The following BCOR variants were observed in gnomAD, a reference collection of about 807,000 sequenced individuals.
BCOR encodes BCL6 corepressor.
A neutral mutation model predicts 86.7 loss-of-function variants in BCOR; 10 were observed. The ratio of observed to expected loss-of-function variants is 0.12; its 90% CI spans 0.07 to 0.20. The LOEUF is 0.20. BCOR is among the 10% of genes least tolerant of loss of function. BCOR has a pLI of 1.00. For missense variants in BCOR, 1,259 were observed against 1,452.1 expected (o/e 0.87, Z 2.16); for synonymous variants, 611 against 609.0 (o/e 1.00, Z -0.05).
chrX:40,110,662 T>TTTTTC (rs1937289134), intron 1 of BCOR, among the ~76,000 whole-genome samples: 3 of 61,637 alleles, frequency 4.9e-5, no homozygotes, highest in Non-Finnish European at 9.8e-5. Context: ...TCTTTTTTCC[T>TTTTTC]TTTTCTTTTT....
At chrX:40,098,641 T>C (rs1937005177), upstream of BCOR, among the ~76,000 whole-genome samples, 1 of 111,244 alleles carries the variant, frequency 9.0e-6, no homozygotes, top group Non-Finnish European at 1.9e-5. Flanking sequence ...AGCGCTGCGC[T>C]CTCCCGGCCT....
chrX:40,099,787 T>C (rs1458504741), upstream of BCOR, among the ~76,000 whole-genome samples: 2 of 112,165 alleles, frequency 1.8e-5, no homozygotes, highest in East Asian at 5.6e-4. Flanking sequence ...TCTCTACCGT[T>C]TGAAACCCGA....
chrX:40,100,841 G>A (rs12841108), upstream of BCOR, among the ~76,000 whole-genome samples: 5,215 of 110,681 alleles, frequency 0.047, 117 homozygotes, highest in Non-Finnish European at 0.07. Context: ...AAACAGGCCA[G>A]TAAATTCGCC....
At chrX:40,078,566 G>A (rs1935925724) in intron 1 of BCOR, among the ~76,000 whole-genome samples, 2 of 112,072 alleles carry the variant, frequency 1.8e-5, no homozygotes, top group Non-Finnish European at 3.8e-5. Flanking sequence ...GGGCTGGTGA[G>A]CCGCCCCACC....
intron 1 of BCOR, among the ~76,000 whole-genome samples, chrX:40,122,673 C>T (rs972896904): frequency 8.9e-6 from 1 of 112,037 alleles, no homozygotes; most frequent in East Asian, 2.8e-4. Context: ...CCATGGAAGC[C>T]GCCACTCGGG....
At chrX:40,142,742 A>AT (rs1275501183) in intron 1 of BCOR, among the ~76,000 whole-genome samples, 1 of 111,135 alleles carries the variant, frequency 9.0e-6, no homozygotes, top group Non-Finnish European at 1.9e-5. Flanking sequence ...TGGGCTATGG[A>AT]TTTTTTTCCC....
chrX:40,171,446 A>T (rs780610045), intron 1 of BCOR, among the ~76,000 whole-genome samples: 18 of 106,802 alleles, frequency 1.7e-4, no homozygotes, highest in Non-Finnish European at 3.3e-4. Flanking sequence ...GCGCGGCTGG[A>T]TTAGTCCCGG....
At chrX:40,096,489 C>T in intron 1 of BCOR, among the ~76,000 whole-genome samples, 1 of 110,006 alleles carries the variant, frequency 9.1e-6, no homozygotes, top group Non-Finnish European at 1.9e-5. Context: ...AGTCGGAACC[C>T]CTTGCTCTGC....
rs775251964 is a variant in BCOR, at chrX:40,072,448, G to A, written c.2898C>T (p.Ile966=). ...KPKPSKLAKR[I]ANSAGYVGDR... is the part of the protein sequence containing the mutation. Reference sequence around the variant, plus strand: ...CACCCACGTAACCCGCTGAGTTGGCGATTCTCTTTGCCAGCTTAGATGGCT... The same window carrying A: ...CACCCACGTAACCCGCTGAGTTGGCAATTCTCTTTGCCAGCTTAGATGGCT... Residue 966 remains isoleucine (I), a synonymous_variant, in exon 4 of 15, where the codon ATC becomes ATT. Transcript: ENST00000378444. 3.1e-5 allele frequency: 38 copies of A among 1,209,717 alleles called. No individual in the cohort carries two copies. In the Admixed American group the frequency reaches 7.4e-4, roughly 24 times the overall value.
At chrX:40,076,928 A>ATG (rs1216911272) in intron 2 of BCOR, 1 of 326,490 alleles carries the variant, frequency 3.1e-6, no homozygotes, top group Non-Finnish European at 5.9e-6. Flanking sequence ...AACACAGCCA[A>ATG]ATACCAAAGG....
In BCOR at chrX:40,073,497, C is replaced by T. The variant is rs143744110; in HGVS notation, c.1849G>A (p.Ala617Thr). The stretch of plus-strand genomic sequence containing the variant: ...CTCGGTTCTGGGTTGCTGGCTTTGG[C>T]GCCCTTGCTGCTGGTGCTGCTACTG... Reference protein sequence around the residue: ...KHSSSTSSKGAKASNPEPSFK... With the variant: ...KHSSSTSSKGTKASNPEPSFK... Residue 617 changes from alanine to threonine, a missense_variant, in exon 4 of 15, where the codon GCC becomes ACC. Coordinates refer to ENST00000378444, the MANE Select transcript of BCOR (RefSeq NM_001123385.2). 10 of 1,211,294 alleles carry T rather than the reference C, an allele frequency of 8.3e-6. No individual in the cohort carries two copies. The highest frequency in any genetic ancestry group is 2.3e-4 in the Middle Eastern group (1 of 4,374).
intron 1 of BCOR, among the ~76,000 whole-genome samples, chrX:40,130,649 G>GA (rs35401023): frequency 0.23 from 25,646 of 111,355 alleles, 4,656 homozygotes; most frequent in African/African-American, 0.62. Flanking sequence ...AGAAGGAAAA[G>GA]AAGAGGACCA....
At chrX:40,154,956 ACACGCGCGCACACACACACACG>A (rs1228271798) in intron 1 of BCOR, among the ~76,000 whole-genome samples, 1 of 111,904 alleles carries the variant, frequency 8.9e-6, no homozygotes, top group African/African-American at 3.2e-5. Context: ...GTAATCGTGG[ACACGCGCGCACACACACACACG>A]CACGCGCGCG....
At chrX:40,059,798 C>A (rs1355350368) in intron 10 of BCOR, among the ~76,000 whole-genome samples, 1 of 112,770 alleles carries the variant, frequency 8.9e-6, no homozygotes, top group South Asian at 3.6e-4. Flanking sequence ...TAATTAAATG[C>A]CTCATTAACT....
At chrX:40,083,383 C>T (rs1454990668) in intron 1 of BCOR, among the ~76,000 whole-genome samples, 1 of 111,949 alleles carries the variant, frequency 8.9e-6, no homozygotes, top group East Asian at 2.8e-4. Flanking sequence ...CACTCCAAGC[C>T]ACAGCCTTAG....
chrX:40,054,934 C>T (rs4393046), intron 12 of BCOR, among the ~76,000 whole-genome samples: 1 of 111,933 alleles, frequency 8.9e-6, no homozygotes, highest in Non-Finnish European at 1.9e-5. Flanking sequence ...CTGATAAGGA[C>T]TTTAACTGCA....
chrX:40,127,856 G>A (rs1937560092), intron 1 of BCOR, among the ~76,000 whole-genome samples: 1 of 81,132 alleles, frequency 1.2e-5, no homozygotes, highest in Non-Finnish European at 2.4e-5. Context: ...GCAAAACCTT[G>A]TCTCAAAATA....
At chrX:40,104,736 G>A (rs1049150337) in intron 1 of BCOR, among the ~76,000 whole-genome samples, 8 of 113,046 alleles carry the variant, frequency 7.1e-5, no homozygotes, top group African/African-American at 2.6e-4. Context: ...TGTCCCTGGG[G>A]AGCTGAAACC....
At chrX:40,108,349 G>C (rs1250388523) in intron 1 of BCOR, among the ~76,000 whole-genome samples, 1 of 113,247 alleles carries the variant, frequency 8.8e-6, no homozygotes, top group Admixed American at 9.2e-5. Flanking sequence ...TGCGCTGCTC[G>C]CCAGCAACTC....
Sources: gnomAD v4.1 joint callset for allele counts (sites outside exome capture counted in the v4.1 genomes callset) on GRCh38, gnomAD v4.1.1 for gene constraint, MANE v1.5 for transcripts, NCBI Gene and HGNC (gene_info 2026-07-23, HGNC 2026-07-21) for gene names.